TAAR1: variants seen among roughly 807,000 people sequenced by gnomAD.
TAAR1 encodes the protein trace amine-associated receptor 1.
A neutral mutation model predicts 1.2 loss-of-function variants in TAAR1; 1 was observed. That is an observed-to-expected ratio of 0.81 (90% CI 0.29 to 3.86). The LOEUF (loss-of-function observed/expected upper bound fraction) is 3.86. Among genes scored for constraint, TAAR1 ranks in the 30% most tolerant of loss-of-function variants. The pLI is 0.18. For missense variants in TAAR1, 445 were observed against 405.6 expected (o/e 1.10, Z -0.83); for synonymous variants, 153 against 132.2 (o/e 1.16, Z -1.08).
intron 1 of TAAR1, among the ~76,000 whole-genome samples, chr6:132,649,479 C>G (rs1449279746): frequency 6.6e-6 from 1 of 152,038 alleles, no homozygotes; most frequent in Admixed American, 6.6e-5. Flanking sequence ...CATGCTATAC[C>G]TCTGTATTAG....
chr6:132,659,100 G>T (rs570031955), intron 1 of TAAR1, among the ~76,000 whole-genome samples, 30 bp downstream of exon 1: 35 of 152,216 alleles, frequency 2.3e-4, no homozygotes. Flanking sequence ...TCTAGGATTT[G>T]GTTTGGCTGT....
intron 1 of TAAR1, among the ~76,000 whole-genome samples, chr6:132,649,746 G>A (rs1777730264): frequency 6.6e-6 from 1 of 152,102 alleles, no homozygotes; most frequent in Middle Eastern, 3.2e-3. Context: ...CATGGAGGTA[G>A]CTTCCCCCAT....
chr6:132,647,055 G>T (rs190513224), intron 1 of TAAR1, among the ~76,000 whole-genome samples: 1 of 152,250 alleles, frequency 6.6e-6, no homozygotes, highest in Admixed American at 6.6e-5. Flanking sequence ...GGTAAGAAGT[G>T]AAGTGGCATG....
chr6:132,646,434 A>C (rs1057228330), intron 1 of TAAR1, among the ~76,000 whole-genome samples: 3 of 152,166 alleles, frequency 2.0e-5, no homozygotes, highest in Non-Finnish European at 4.4e-5. Flanking sequence ...TGTCCATAGG[A>C]AGCCAGTCTA....
chr6:132,647,640 G>GAAAGAAAA (rs1554208970), intron 1 of TAAR1, among the ~76,000 whole-genome samples: 2 of 121,742 alleles, frequency 1.6e-5, no homozygotes, highest in Non-Finnish European at 3.3e-5. Context: ...AAGAAAGAAA[G>GAAAGAAAA]AAAGAAAGAA....
Position 132,645,705 on chromosome 6 carries a change from G to T in TAAR1, c.299C>A (p.Thr100Lys). The part of the protein sequence containing the change: ...YFGEVFCKIH[T>K]STDIMLSSAS... ...TGAGCTCAGCATAATGTCGGTGCTT[G>T]TGTGAATTTTACAGAAGACTTCTCC... The change falls in exon 2 of 2, where the codon ACA (threonine) becomes AAA (lysine). Residue 100 changes from threonine (T) to lysine (K), a missense_variant. Transcript: ENST00000275216. The T allele has an allele frequency of 6.2e-7, 1 of 1,613,682 alleles. No homozygotes were observed. The highest frequency in any genetic ancestry group is 8.5e-7 in the Non-Finnish European group (1 of 1,179,808).
At chr6:132,655,678 G>A (rs1238024441) in intron 1 of TAAR1, among the ~76,000 whole-genome samples, 1 of 152,106 alleles carries the variant, frequency 6.6e-6, no homozygotes, top group South Asian at 2.1e-4. Flanking sequence ...GTATCACTCC[G>A]ATTGCTGCCT....
intron 1 of TAAR1, among the ~76,000 whole-genome samples, chr6:132,657,745 CA>C (rs1777821624): frequency 6.6e-6 from 1 of 151,950 alleles, no homozygotes; most frequent in East Asian, 1.9e-4. Context: ...AGATTAACAA[CA>C]AAAAGAAAAT....
rs764811157 is a variant in TAAR1 at position 132,644,864 on chromosome 6, T to C, written c.*120A>G. ...GCATCATAATTTAACTCACCATACA[T>C]ACTTTGACTCAAGTAACTGATTTAA... On this transcript the variant is annotated 3_prime_UTR_variant, in exon 2 of 2. Transcript: ENST00000275216. 8.4e-5 allele frequency: 66 copies of C among 782,596 alleles called. 1 individual carries two copies. Among genetic ancestry groups the C allele is most frequent in the South Asian group, 6.4e-4 (31 of 48,302 alleles). The allele number at this position is 782,596 out of a possible 1,614,324, so 48.5% of individuals were successfully genotyped here. A position where few individuals can be genotyped will look rare whatever the true frequency, so the allele number is the denominator to read the frequency against.
rs151332528 is a variant in TAAR1, at chr6:132,645,724, C to G, written c.280G>C (p.Val94Leu). 1 of 1,613,692 alleles carries G rather than the reference C, an allele frequency of 6.2e-7. No individual in the cohort carries two copies. Among genetic ancestry groups the G allele is most frequent in the Non-Finnish European group, 8.5e-7 (1 of 1,179,816 alleles). ...GTGCTTGTGTGAATTTTACAGAAGA[C>G]TTCTCCAAAATACCAACAGTGCTCA... is the stretch of plus-strand genomic sequence containing the variant. ...SAEHCWYFGE[V>L]FCKIHTSTDI... Residue 94 changes from valine to leucine, a missense_variant, in exon 2 of 2, where the codon GTC becomes CTC. Transcript: ENST00000275216.
At chr6:132,653,666 T>C (rs1217662761) in intron 1 of TAAR1, among the ~76,000 whole-genome samples, 1 of 152,208 alleles carries the variant, frequency 6.6e-6, no homozygotes, top group Non-Finnish European at 1.5e-5. Context: ...GATACCCTGA[T>C]TGATTTGTGG....
At position 132,643,595 on chromosome 6, in the gene TAAR1, T is replaced by A. The variant is rs1378106182; in HGVS notation, c.*1389A>T. On this transcript the variant is annotated 3_prime_UTR_variant, in exon 2 of 2. Coordinates refer to ENST00000275216, the MANE Select transcript of TAAR1 (RefSeq NM_138327.4). ...ACATATCCTCCGGAGATCCTCAGAT[T>A]TGTAAACAGAAATTTATACGCAGCA... is the stretch of plus-strand genomic sequence containing the variant. Among the ~76,000 whole-genome samples the A allele has an allele frequency of 6.6e-6, 1 of 151,982 alleles. No homozygotes were observed. The highest frequency in any genetic ancestry group is 6.6e-5 in the Admixed American group (1 of 15,216).
intron 1 of TAAR1, among the ~76,000 whole-genome samples, chr6:132,648,497 T>G (rs1469316950): frequency 6.6e-6 from 1 of 152,198 alleles, no homozygotes; most frequent in Non-Finnish European, 1.5e-5. Context: ...CTGACCAAAA[T>G]GACTCAGAGG....
chr6:132,657,027 TTTAAA>T (rs1396385189), intron 1 of TAAR1, among the ~76,000 whole-genome samples: 2 of 152,072 alleles, frequency 1.3e-5, no homozygotes, highest in African/African-American at 2.4e-5. Context: ...TAAGGTTTAG[TTTAAA>T]TTGAAAGGGG....
Position 132,646,092 on chromosome 6 carries a change from A to C in TAAR1, c.-89T>G. 3 of 1,392,480 alleles carry C rather than the reference A, an allele frequency of 2.2e-6. No homozygotes were observed. Among genetic ancestry groups the C allele is most frequent in the Non-Finnish European group, 1.9e-6 (2 of 1,031,930 alleles). 86.3% of individuals were successfully genotyped at this position (1,392,480 alleles called of 1,614,324 possible). A position where few individuals can be genotyped will look rare whatever the true frequency, so the allele number is the denominator to read the frequency against. ...CATAATCAGGTTACAGTTCCTTCTC[A>C]TGTTTATTTTTTATTTGCACATACT... On this transcript the variant is annotated 5_prime_UTR_variant, in exon 2 of 2. An upstream start codon of the reference 5' UTR is lost. Transcript: ENST00000275216.
At position 132,646,005 on chromosome 6, in the gene TAAR1, C is replaced by T; in HGVS notation, c.-2G>A. 1.3e-6 allele frequency: 2 copies of T among 1,578,250 alleles called. No homozygotes were observed. The highest frequency in any genetic ancestry group is 1.7e-6 in the Non-Finnish European group (2 of 1,160,378). On this transcript the variant is annotated 5_prime_UTR_variant, in exon 2 of 2. Transcript: ENST00000275216. ...TATATTGTGGCAAAAGGGCATCATT[C>T]CTGAGGGCTGTCAATCAGTTTACTT...
intron 1 of TAAR1, among the ~76,000 whole-genome samples, chr6:132,647,557 A>AAAGG (rs141102164): frequency 2.1e-5 from 3 of 144,104 alleles, no homozygotes; most frequent in East Asian, 2.1e-4. Context: ...AAGAAAAAAG[A>AAAGG]AAGGAAGGAA....
At chr6:132,649,129 C>A (rs557753852) in intron 1 of TAAR1, among the ~76,000 whole-genome samples, 37 of 152,264 alleles carry the variant, frequency 2.4e-4, no homozygotes, top group African/African-American at 8.4e-4. Flanking sequence ...CATCTCTATA[C>A]TACTCTACTC....
intron 1 of TAAR1, among the ~76,000 whole-genome samples, chr6:132,647,889 T>TG (rs1777704768): frequency 6.6e-6 from 1 of 152,100 alleles, no homozygotes. Flanking sequence ...AGAAATGCAA[T>TG]ATCTAGGTAT....
Sources: allele counts gnomAD v4.1 joint callset (sites outside exome capture counted in the v4.1 genomes callset), GRCh38; gene constraint gnomAD v4.1.1; transcripts MANE v1.5; gene names NCBI Gene and HGNC (gene_info 2026-07-23, HGNC 2026-07-21).